IGF2BP1: variants seen among roughly 807,000 people sequenced by gnomAD.
The protein encoded by IGF2BP1 is insulin-like growth factor 2 mRNA-binding protein 1.
Under a neutral mutation model 74.9 loss-of-function variants are expected in IGF2BP1, and 11 were observed. That is an observed-to-expected ratio of 0.15 (90% CI 0.09 to 0.24). IGF2BP1 has a LOEUF of 0.24. Among genes scored for constraint, IGF2BP1 ranks in the 10% least tolerant of loss-of-function variants. The probability of loss-of-function intolerance (pLI) is 1.00; values close to 1 mark genes in which losing one functional copy is unlikely to be tolerated. For missense variants in IGF2BP1, 440 were observed against 757.4 expected, an observed-to-expected ratio of 0.58 and a Z score of 4.92; for synonymous variants, 287 against 281.8, an observed-to-expected ratio of 1.02 and a Z score of -0.18.
At chr17:48,999,027 T>C in intron 1 of IGF2BP1, 82 bp from the exon 2 acceptor site, 1 of 826,322 alleles carries the variant, frequency 1.2e-6, no homozygotes, top group Non-Finnish European at 2.1e-6. Context: ...TCCTGAATTA[T>C]CCTAGTGTCT....
intron 5 of IGF2BP1, among the ~76,000 whole-genome samples, chr17:49,033,639 G>A (rs1301087082): frequency 1.3e-5 from 2 of 151,766 alleles, no homozygotes; most frequent in African/African-American, 2.4e-5. Flanking sequence ...CACCGCACCC[G>A]GCTGCCTTAT....
At chr17:49,033,874 C>T (rs1567822477) in intron 5 of IGF2BP1, among the ~76,000 whole-genome samples, 2 of 152,152 alleles carry the variant, frequency 1.3e-5, no homozygotes, top group South Asian at 2.1e-4. Flanking sequence ...GGCTGGAGTG[C>T]AGTGTTGCAA....
At chr17:48,999,949 T>TGTGTGTGTGTTC (rs2041465813) in intron 2 of IGF2BP1, among the ~76,000 whole-genome samples, 6 of 151,402 alleles carry the variant, frequency 4.0e-5, no homozygotes, top group African/African-American at 9.7e-5. Flanking sequence ...TGTGTGTGTG[T>TGTGTGTGTGTTC]GTGTGTGTGT....
At chr17:49,013,712 A>G (rs1304468166) in intron 2 of IGF2BP1, 2 of 152,518 alleles carry the variant, frequency 1.3e-5, no homozygotes, top group East Asian at 1.9e-4. Flanking sequence ...TGGCTTCGCC[A>G]TGGGGTCGGG....
In IGF2BP1 at chr17:49,049,517, C is replaced by A; in HGVS notation, c.*73C>A. ...TCGAGAGTGTGCTCTCCCCGGCAGG[C>A]CTGAGAATGAGTGGGAATCCGGGAC... On this transcript the variant is annotated 3_prime_UTR_variant, in exon 15 of 15. Transcript: ENST00000290341. 7.5e-7 allele frequency: 1 copy of A among 1,326,106 alleles called. No homozygotes were observed. 82.1% of individuals were successfully genotyped at this position (1,326,106 alleles called of 1,614,324 possible). A position where few individuals can be genotyped will look rare whatever the true frequency, so the allele number is the denominator to read the frequency against.
At position 49,026,611 on chromosome 17, in the gene IGF2BP1, CCCTTCCTT is replaced by C. The variant is rs745311533; in HGVS notation, c.337+110_337+117del. 36 of 1,029,096 alleles carry C rather than the reference CCCTTCCTT, an allele frequency of 3.5e-5. 2 individuals are homozygous for C. The highest frequency in any genetic ancestry group is 2.0e-4 in the East Asian group (8 of 39,928). 63.7% of individuals were successfully genotyped at this position (1,029,096 alleles called of 1,614,324 possible). On this transcript the variant is annotated intron_variant, in intron 4 of 14. Coordinates refer to ENST00000290341, the MANE Select transcript of IGF2BP1 (RefSeq NM_006546.4). Reference sequence around the variant, plus strand: ...CTTCACTTTGTTTCTTTCTTTTTCTCCCTTCCTTCCTTCCTTCCTTCCTGCCTTCCTTC... The same window carrying C: ...CTTCACTTTGTTTCTTTCTTTTTCTCCCTTCCTTCCTTCCTGCCTTCCTTC...
intron 2 of IGF2BP1, among the ~76,000 whole-genome samples, chr17:49,011,154 A>AAAC (rs2041614319): frequency 2.7e-5 from 4 of 149,698 alleles, no homozygotes; most frequent in Non-Finnish European, 4.4e-5. Context: ...AAAAAAAAAA[A>AAAC]AAAAAAAAAA....
At chr17:49,019,359 G>A (rs533174264) in intron 2 of IGF2BP1, among the ~76,000 whole-genome samples, 6 of 152,016 alleles carry the variant, frequency 3.9e-5, no homozygotes, top group South Asian at 2.1e-4. Flanking sequence ...GGATTCTTTC[G>A]AATAGAACAC....
At chr17:49,022,224 G>A (rs1053878270) in intron 2 of IGF2BP1, among the ~76,000 whole-genome samples, 3 of 152,114 alleles carry the variant, frequency 2.0e-5, no homozygotes, top group African/African-American at 7.2e-5. Context: ...CCTACACCAG[G>A]CCTTCTCTAA....
chr17:49,026,203 T>C (rs749736716), intron 3 of IGF2BP1, among the ~76,000 whole-genome samples: 3 of 152,106 alleles, frequency 2.0e-5, no homozygotes, highest in Non-Finnish European at 4.4e-5. Flanking sequence ...AACTTGGTAA[T>C]ATGGCAGAAG....
chr17:49,019,938 A>ATATATATATATTTATATATT (rs1301158227), intron 2 of IGF2BP1, among the ~76,000 whole-genome samples: 2 of 57,392 alleles, frequency 3.5e-5, no homozygotes, highest in African/African-American at 1.7e-4. Flanking sequence ...ATATATATAT[A>ATATATATATATTTATATATT]TATATATATA....
In IGF2BP1 at chr17:49,055,425, T is replaced by TCA. The variant is rs2042216385; in HGVS notation, c.*5983_*5984dup. On this transcript the variant is annotated 3_prime_UTR_variant, in exon 15 of 15. Coordinates refer to ENST00000290341, the MANE Select transcript of IGF2BP1 (RefSeq NM_006546.4). ...TCCCCTCCCAGCCAGCTGACTTCAG[T>TCA]CACCCCTGTCCCCCCTCCCCTGCCA... The TCA allele has an allele frequency of 2.7e-6, 1 of 375,056 alleles. No individual in the cohort carries two copies. The highest frequency in any genetic ancestry group is 4.7e-6 in the Non-Finnish European group (1 of 211,696). 23.2% of individuals were successfully genotyped at this position (375,056 alleles called of 1,614,324 possible). A position where few individuals can be genotyped will look rare whatever the true frequency, so the allele number is the denominator to read the frequency against.
At chr17:49,037,432 T>G (rs1445732012) in intron 5 of IGF2BP1, 1 of 393,054 alleles carries the variant, frequency 2.5e-6, no homozygotes, top group Non-Finnish European at 4.8e-6. Flanking sequence ...CATAAGCCTG[T>G]AGGCAAATAT....
rs759876610 is a variant in IGF2BP1, at chr17:49,005,874, C to T, written c.236+6705C>T. Among the ~76,000 whole-genome samples, 14 of 152,148 alleles carry T rather than the reference C, an allele frequency of 9.2e-5. No homozygotes were observed. The South Asian group carries it at 1.2e-3, about 14-fold the overall frequency. ...GCCAGGAGTTCAAGACCAGCTTGGCCGACATGGTGAAACCCTGCCTGTACT... is the reference window on the plus strand; with the variant it reads ...GCCAGGAGTTCAAGACCAGCTTGGCTGACATGGTGAAACCCTGCCTGTACT... On this transcript the variant is annotated intron_variant, in intron 2 of 14. Coordinates refer to ENST00000290341, the MANE Select transcript of IGF2BP1 (RefSeq NM_006546.4).
chr17:49,041,522 C>A, intron 8 of IGF2BP1, 22 bp downstream of exon 8: 1 of 1,613,780 alleles, frequency 6.2e-7, no homozygotes, highest in Non-Finnish European at 8.5e-7. Flanking sequence ...TTCTATTTCC[C>A]TGTTTATGAG....
chr17:49,019,977 T>C (rs1400667269), intron 2 of IGF2BP1, among the ~76,000 whole-genome samples: 1,237 of 51,526 alleles, frequency 0.024, 42 homozygotes, highest in African/African-American at 0.074. Flanking sequence ...CACACACACA[T>C]ACACCCACAC....
At chr17:49,013,636 A>C (rs979398748) in intron 2 of IGF2BP1, 6 of 152,306 alleles carry the variant, frequency 3.9e-5, no homozygotes, top group Non-Finnish European at 8.8e-5. Context: ...AGCCCTGACC[A>C]CAGGGAGGTC....
At chr17:49,048,622 T>C (rs62078408) in intron 14 of IGF2BP1, among the ~76,000 whole-genome samples, 7,153 of 152,088 alleles carry the variant, frequency 0.047, 210 homozygotes, top group East Asian at 0.11. Context: ...TGATGTCTTC[T>C]AAGTTACGAC....
chr17:49,046,803 C>T (rs897270923), intron 14 of IGF2BP1, among the ~76,000 whole-genome samples: 1 of 152,062 alleles, frequency 6.6e-6, no homozygotes, highest in East Asian at 1.9e-4. Context: ...AAATGTAGTC[C>T]CTCTGCCTTT....
Sources: gnomAD v4.1 joint callset for allele counts (sites outside exome capture counted in the v4.1 genomes callset) on GRCh38, gnomAD v4.1.1 for gene constraint, MANE v1.5 for transcripts, NCBI Gene and HGNC (gene_info 2026-07-23, HGNC 2026-07-21) for gene names.